The following RINT1 variants were observed in gnomAD, a reference collection of about 807,000 sequenced individuals.
The protein encoded by RINT1 is RAD50 interactor 1.
A neutral mutation model predicts 97.7 loss-of-function variants in RINT1; 75 were observed. The ratio of observed to expected loss-of-function variants is 0.77; its 90% CI spans 0.64 to 0.93. The LOEUF is 0.93. Ranked by LOEUF, RINT1 falls within the 40% of genes least tolerant of loss-of-function variation. RINT1 has a pLI of 0.00. For missense variants in RINT1, 892 were observed against 925.2 expected, an observed-to-expected ratio of 0.96 and a Z score of 0.47; for synonymous variants, 303 against 326.3, an observed-to-expected ratio of 0.93 and a Z score of 0.77.
chr7:105,555,794 A>G (rs1791152209), intron 11 of RINT1, among the ~76,000 whole-genome samples: 1 of 152,248 alleles, frequency 6.6e-6, no homozygotes, highest in South Asian at 2.1e-4. Context: ...CAACCTGGGC[A>G]ACATAGGGAG....
intron 2 of RINT1, among the ~76,000 whole-genome samples, chr7:105,536,097 G>A (rs1037528044): frequency 1.3e-5 from 2 of 152,026 alleles, no homozygotes; most frequent in African/African-American, 4.8e-5. Flanking sequence ...ACTTTGTTTT[G>A]TTTTGGTTTT....
At chr7:105,562,135 CT>C (rs1327882922) in intron 11 of RINT1, among the ~76,000 whole-genome samples, 1 of 152,138 alleles carries the variant, frequency 6.6e-6, no homozygotes, top group African/African-American at 2.4e-5. Flanking sequence ...AACTCTTCTG[CT>C]TTTTCCGGTT....
At chr7:105,539,071 C>T (rs1248927426) in intron 3 of RINT1, among the ~76,000 whole-genome samples, 1 of 152,160 alleles carries the variant, frequency 6.6e-6, no homozygotes, top group African/African-American at 2.4e-5. Context: ...TTTTGTCATT[C>T]ATCTTTTACC....
At chr7:105,555,359 G>C in intron 11 of RINT1, 132 bp downstream of exon 11, 1 of 636,248 alleles carries the variant, frequency 1.6e-6, no homozygotes. Flanking sequence ...ATAATTAAAA[G>C]GTGTAATTAA....
chr7:105,562,391 C>A (rs952716508), intron 11 of RINT1, among the ~76,000 whole-genome samples: 3 of 152,160 alleles, frequency 2.0e-5, no homozygotes, highest in Admixed American at 6.5e-5. Flanking sequence ...GCTGGGAGGT[C>A]TGTGGCCACC....
chr7:105,559,343 C>A (rs907237860), intron 11 of RINT1, among the ~76,000 whole-genome samples: 3 of 152,016 alleles, frequency 2.0e-5, no homozygotes, highest in South Asian at 2.1e-4. Flanking sequence ...GAGTTCGAGA[C>A]CAGCCTGGCC....
chr7:105,566,892 CAT>C (rs1421588666), intron 14 of RINT1: 1 of 313,626 alleles, frequency 3.2e-6, no homozygotes, highest in African/African-American at 2.1e-5. Context: ...ATAACGGATA[CAT>C]ATTGAAATAG....
Position 105,536,689 on chromosome 7 carries a change from A to C in RINT1, c.213A>C (p.Leu71Phe). The change falls in exon 3 of 15, where the codon TTA becomes TTC. Residue 71 changes from leucine (L) to phenylalanine (F), a missense_variant. Physicochemically the swap from Leu to Phe is conservative, Grantham distance 22 (BLOSUM62 0). Transcript: ENST00000257700. Reference protein sequence around the residue: ...EKEVGNDLKSLKKLDKLIEQR... With the variant: ...EKEVGNDLKSFKKLDKLIEQR... ...AAGTTGGAAATGACCTTAAATCTTT[A>C]AAGAAACTTGATAAACTCATAGAAC... 1 of 1,612,754 alleles carries C rather than the reference A, an allele frequency of 6.2e-7. No individual in the cohort carries two copies. Among genetic ancestry groups the C allele is most frequent in the South Asian group, 1.1e-5 (1 of 90,826 alleles).
intron 3 of RINT1, among the ~76,000 whole-genome samples, chr7:105,538,058 T>C (rs1208849310): frequency 6.6e-6 from 1 of 151,754 alleles, no homozygotes. Flanking sequence ...AATGGCGTGA[T>C]CTCGGCTCAC....
chr7:105,567,188 G>T lies in RINT1; in HGVS notation c.2256G>T (p.Gln752His). The stretch of plus-strand genomic sequence containing the variant: ...CACTACTGCTGAAAGATGTACTGCA[G>T]TCAGCTTCAGGGCAGCTTCCTGCCA... ...GSALLLKDVLQSASGQLPATA... is the reference protein window; with the variant it reads ...GSALLLKDVLHSASGQLPATA... Residue 752 changes from glutamine (Q) to histidine (H), a missense_variant, in exon 15 of 15, where the codon CAG (glutamine) becomes CAT (histidine). By Grantham distance (24) the Gln-to-His change is conservative. Transcript: ENST00000257700. 6.2e-7 allele frequency: 1 copy of T among 1,611,730 alleles called. No individual in the cohort carries two copies. Among genetic ancestry groups the T allele is most frequent in the Non-Finnish European group, 8.5e-7 (1 of 1,179,428 alleles).
At chr7:105,541,942 A>G (rs954532763) in intron 3 of RINT1, 1 of 152,290 alleles carries the variant, frequency 6.6e-6, no homozygotes, top group African/African-American at 2.4e-5. Context: ...TGTTTCACTT[A>G]TTGTTTTCAA....
At chr7:105,556,819 G>A (rs1157519470) in intron 11 of RINT1, among the ~76,000 whole-genome samples, 2 of 152,024 alleles carry the variant, frequency 1.3e-5, no homozygotes, top group African/African-American at 4.8e-5. Flanking sequence ...AGGACTCTTT[G>A]GCAACCAGAT....
At chr7:105,563,642 C>A in intron 11 of RINT1, 91 bp from the exon 12 acceptor site, 1 of 1,131,822 alleles carries the variant, frequency 8.8e-7, no homozygotes. Flanking sequence ...GAATTATACA[C>A]TTTAAATGGG....
chr7:105,565,785 A>G (rs1791701827), intron 14 of RINT1, 137 bp downstream of exon 14: 2 of 618,308 alleles, frequency 3.2e-6, no homozygotes, highest in Admixed American at 2.9e-5. Flanking sequence ...TATCTACTGT[A>G]TGCTTACAGC....
At position 105,546,771 on chromosome 7, in the gene RINT1, G is replaced by A. The variant is rs941381812; in HGVS notation, c.516-139G>A. On this transcript the variant is annotated intron_variant, in intron 4 of 14. Coordinates refer to ENST00000257700, the MANE Select transcript of RINT1 (RefSeq NM_021930.6). ...CATGCCTGTAATCCCAGCTACTGTG[G>A]AGGCTGAGGCGGGAGAATCACTTGA... 1.8e-5 allele frequency: 11 copies of A among 610,106 alleles called. No homozygotes were observed. The African/African-American group carries it at 1.9e-4, about 10-fold the overall frequency. The allele number at this position is 610,106 out of a possible 1,614,324, so 37.8% of individuals were successfully genotyped here.
In RINT1 at chr7:105,532,844, C is replaced by A; in HGVS notation, c.63C>A (p.Asp21Glu). 6.2e-7 allele frequency: 1 copy of A among 1,614,108 alleles called. No homozygotes were observed. Among genetic ancestry groups the A allele is most frequent in the South Asian group, 1.1e-5 (1 of 91,076 alleles). Residue 21 changes from aspartate to glutamate, a missense_variant, in exon 2 of 15, where the codon GAC becomes GAA. Transcript: ENST00000257700. ...TCTAGTGCTGCTCTGAAAGTGGTGA[C>A]GAAAGGAAGAACCTCGAGGAGAAAA... ...PAAPCCSESG[D>E]ERKNLEEKSD...
rs796395375 is a variant in RINT1 at position 105,539,550 on chromosome 7, G to A, written c.273+2801G>A. On this transcript the variant is annotated intron_variant, in intron 3 of 14. Transcript: ENST00000257700. ...TAATTTTGTATTTTTGGTAGAGATG[G>A]GGTTTCTCCATGTTGGTCAGGTTGG... 1.1e-4 allele frequency among the ~76,000 whole-genome samples: 16 copies of A among 152,040 alleles called. 1 individual carries two copies. Among genetic ancestry groups the A allele is most frequent in the African/African-American group, 3.1e-4 (13 of 41,482 alleles).
chr7:105,542,618 C>G lies in RINT1; in HGVS notation c.484C>G (p.Leu162Val), dbSNP rs1437684325. ...IEEIERHLAY[L>V]KWISQIEELS... ...AGAGATCGAACGTCATCTTGCTTACCTTAAATGGATTTCACAAATTGAAGA... is the reference window on the plus strand; with the variant it reads ...AGAGATCGAACGTCATCTTGCTTACGTTAAATGGATTTCACAAATTGAAGA... The change falls in exon 4 of 15, where the codon CTT (leucine) becomes GTT (valine). Residue 162 changes from leucine (L) to valine (V), a missense_variant. Coordinates refer to ENST00000257700, the MANE Select transcript of RINT1 (RefSeq NM_021930.6). 1 of 1,612,410 alleles carries G rather than the reference C, an allele frequency of 6.2e-7. No homozygotes were observed. Among genetic ancestry groups the G allele is most frequent in the Non-Finnish European group, 8.5e-7 (1 of 1,179,578 alleles).
At chr7:105,548,845 T>C (rs964427709) in intron 7 of RINT1, 135 bp downstream of exon 7, 5 of 746,566 alleles carry the variant, frequency 6.7e-6, no homozygotes, top group South Asian at 3.7e-5. Context: ...ATTCCTGTTT[T>C]GTTACTGCTG....
Sources: allele counts gnomAD v4.1 joint callset (sites outside exome capture counted in the v4.1 genomes callset), GRCh38; gene constraint gnomAD v4.1.1; transcripts MANE v1.5; gene names NCBI Gene and HGNC (gene_info 2026-07-23, HGNC 2026-07-21).